Variants in IGF1 observed in about 807,000 individuals in gnomAD.
The protein encoded by IGF1 is insulin-like growth factor 1.
Under a neutral mutation model 13.8 loss-of-function variants are expected in IGF1, and 4 were observed. The ratio of observed to expected loss-of-function variants is 0.29; its 90% CI spans 0.14 to 0.66. The LOEUF (loss-of-function observed/expected upper bound fraction) is 0.66, where lower values mean the gene tolerates loss of function less well. Ranked by LOEUF, IGF1 falls within the 30% of genes least tolerant of loss-of-function variation. The pLI is 0.78. For synonymous variants in IGF1, 76 were observed against 72.6 expected, an observed-to-expected ratio of 1.05 and a Z score of -0.23; for missense variants, 124 against 188.5, an observed-to-expected ratio of 0.66 and a Z score of 2.00.
intron 2 of IGF1, among the ~76,000 whole-genome samples, chr12:102,474,796 C>T (rs1257052560): frequency 6.6e-6 from 1 of 152,168 alleles, no homozygotes; most frequent in Non-Finnish European, 1.5e-5. Context: ...TGCATGGGAG[C>T]TAGATTCTTT....
intron 2 of IGF1, among the ~76,000 whole-genome samples, chr12:102,449,115 A>T (rs1878665686): frequency 6.6e-6 from 1 of 152,226 alleles, no homozygotes; most frequent in African/African-American, 2.4e-5. Context: ...TTATTGCAGC[A>T]CTATTCACAA....
chr12:102,407,873 C>T (rs892674379), intron 3 of IGF1, among the ~76,000 whole-genome samples: 5 of 152,112 alleles, frequency 3.3e-5, no homozygotes, highest in African/African-American at 1.2e-4. Flanking sequence ...TTATAACCCC[C>T]TTTTTTTCCT....
At chr12:102,420,477 A>G (rs572941356) in intron 2 of IGF1, among the ~76,000 whole-genome samples, 2 of 152,336 alleles carry the variant, frequency 1.3e-5, no homozygotes, top group East Asian at 1.9e-4. Context: ...CATATAGTGT[A>G]AGTCGTAAGT....
At chr12:102,441,955 C>CTTCTTCTTCTTCTTCTTCTTCTTCTT (rs1555244164) in intron 2 of IGF1, among the ~76,000 whole-genome samples, 2 of 139,980 alleles carry the variant, frequency 1.4e-5, no homozygotes, top group East Asian at 2.0e-4. Context: ...TCTTCTTCTT[C>CTTCTTCTTCTTCTTCTTCTTCTTCTT]TTTTTTTTTT....
Position 102,402,338 on chromosome 12 carries a change from A to G in IGF1, c.*169T>C, listed in dbSNP as rs1039142847. The stretch of plus-strand genomic sequence containing the variant: ...TTTTTGCAAGGTGCAAATCACTCCT[A>G]AAGACAATGTTGGAATGTTTACTTG... On this transcript the variant is annotated 3_prime_UTR_variant, in exon 4 of 4. Transcript: ENST00000337514. 4 of 703,900 alleles carry G rather than the reference A, an allele frequency of 5.7e-6. No individual in the cohort carries two copies. Among genetic ancestry groups the G allele is most frequent in the Admixed American group, 2.0e-5 (1 of 50,098 alleles). The allele number at this position is 703,900 out of a possible 1,614,324, so 43.6% of individuals were successfully genotyped here. A position where few individuals can be genotyped will look rare whatever the true frequency, so the allele number is the denominator to read the frequency against.
At chr12:102,452,261 C>CAAAAAAAAAAAAA (rs538007224) in intron 2 of IGF1, among the ~76,000 whole-genome samples, 2 of 42,174 alleles carry the variant, frequency 4.7e-5, no homozygotes, top group African/African-American at 1.2e-4. Context: ...GACTCCGTCT[C>CAAAAAAAAAAAAA]AAAAAAAAAA....
Position 102,408,199 on chromosome 12 carries a change from G to A in IGF1, c.403-5633C>T, listed in dbSNP as rs17878818. 8.4e-3 allele frequency among the ~76,000 whole-genome samples: 1,276 copies of A among 152,282 alleles called. 20 individuals carry two copies. The highest frequency in any genetic ancestry group is 0.029 in the African/African-American group (1,209 of 41,560). On this transcript the variant is annotated intron_variant, in intron 3 of 3. Coordinates refer to ENST00000337514, the MANE Select transcript of IGF1 (RefSeq NM_000618.5). ...AGAGCAGTGGATGATTGGAAAGAGG[G>A]CTCAGATATCAGCCCTTTACCTGTT... is the stretch of plus-strand genomic sequence containing the variant.
intron 3 of IGF1, among the ~76,000 whole-genome samples, chr12:102,407,750 A>C (rs17727519): frequency 0.014 from 2,059 of 152,322 alleles, 21 homozygotes; most frequent in Non-Finnish European, 0.022. Flanking sequence ...GCCATGGGAC[A>C]GAAGACTCAA....
At chr12:102,475,359 G>T (rs539549401) in intron 2 of IGF1, among the ~76,000 whole-genome samples, 1 of 152,186 alleles carries the variant, frequency 6.6e-6, no homozygotes, top group Non-Finnish European at 1.5e-5. Flanking sequence ...TCCTTTCATT[G>T]AAAGGAATGG....
intron 2 of IGF1, among the ~76,000 whole-genome samples, chr12:102,455,227 A>G (rs1879289458): frequency 6.6e-6 from 1 of 152,238 alleles, no homozygotes; most frequent in Non-Finnish European, 1.5e-5. Context: ...TTGGCTTCTC[A>G]ATAGTTGAAT....
intron 2 of IGF1, among the ~76,000 whole-genome samples, chr12:102,444,793 G>A (rs2137112460): frequency 6.6e-6 from 1 of 152,112 alleles, no homozygotes. Context: ...AAGGAATTTG[G>A]GACCCAGTAA....
chr12:102,441,915 C>CCCTCTT (rs1877797121), intron 2 of IGF1, among the ~76,000 whole-genome samples: 3 of 122,138 alleles, frequency 2.5e-5, no homozygotes, highest in African/African-American at 9.3e-5. Context: ...TGCTTCTTCT[C>CCCTCTT]CTTCTTCTTC....
rs369361539 is a variant in IGF1, at chr12:102,478,683, C to A, written c.63+1636G>T. ...GAGCCTGGGTAAACTGCCTTTTGTC[C>A]ATTGAAACAATGAACAAATTGCACA... On this transcript the variant is annotated intron_variant, in intron 1 of 3. Transcript: ENST00000337514. 9.5e-5 allele frequency: 127 copies of A among 1,342,696 alleles called. 2 individuals carry two copies. In the African/African-American group the frequency reaches 1.5e-3, roughly 16 times the overall value. 83.2% of individuals were successfully genotyped at this position (1,342,696 alleles called of 1,614,324 possible). A position where few individuals can be genotyped will look rare whatever the true frequency, so the allele number is the denominator to read the frequency against.
chr12:102,480,670 G>A, upstream of IGF1: 1 of 1,222,552 alleles, frequency 8.2e-7, no homozygotes, highest in Non-Finnish European at 1.1e-6. Context: ...TTCTGGCAAA[G>A]TTATTGAGTA....
intron 2 of IGF1, among the ~76,000 whole-genome samples, chr12:102,429,393 T>C (rs1457820831): frequency 2.0e-5 from 3 of 152,246 alleles, no homozygotes; most frequent in South Asian, 4.1e-4. Flanking sequence ...CAAGGTCAAC[T>C]GAAGAGGTTT....
chr12:102,414,243 C>T (rs1874893435), intron 3 of IGF1, among the ~76,000 whole-genome samples: 2 of 152,008 alleles, frequency 1.3e-5, no homozygotes, highest in Non-Finnish European at 1.5e-5. Context: ...AATAAACCCT[C>T]ACAACAACTG....
At chr12:102,433,813 C>T (rs939194784) in intron 2 of IGF1, among the ~76,000 whole-genome samples, 1 of 152,178 alleles carries the variant, frequency 6.6e-6, no homozygotes, top group African/African-American at 2.4e-5. Context: ...CAGGGCCAGT[C>T]TCAAGTCTCC....
intron 2 of IGF1, among the ~76,000 whole-genome samples, chr12:102,448,325 G>A (rs1163630733): frequency 4.1e-4 from 62 of 149,712 alleles, no homozygotes; most frequent in South Asian, 1.7e-3. Context: ...TTAAGAAAAT[G>A]TGGCACACAT....
At chr12:102,432,685 T>G (rs1207832255) in intron 2 of IGF1, among the ~76,000 whole-genome samples, 1 of 152,184 alleles carries the variant, frequency 6.6e-6, no homozygotes, top group Non-Finnish European at 1.5e-5. Flanking sequence ...AGACTTGAGT[T>G]TGGCATCCAA....
Sources: gnomAD v4.1 joint callset for allele counts (sites outside exome capture counted in the v4.1 genomes callset) on GRCh38, gnomAD v4.1.1 for gene constraint, MANE v1.5 for transcripts, NCBI Gene and HGNC (gene_info 2026-07-23, HGNC 2026-07-21) for gene names.